FBXL2: variants seen among roughly 807,000 people sequenced by gnomAD.
FBXL2 encodes the protein F-box/LRR-repeat protein 2.
A neutral mutation model predicts 69.2 loss-of-function variants in FBXL2; 38 were observed. That is an observed-to-expected ratio of 0.55 (90% CI 0.42 to 0.72). The LOEUF (loss-of-function observed/expected upper bound fraction) is 0.72, where lower values mean the gene tolerates loss of function less well. Among genes scored for constraint, FBXL2 ranks in the 30% least tolerant of loss-of-function variants. The probability of loss-of-function intolerance (pLI) is 0.00; values close to 1 mark genes in which losing one functional copy is unlikely to be tolerated. For synonymous variants in FBXL2, 192 were observed against 201.3 expected, an observed-to-expected ratio of 0.95 and a Z score of 0.39; for missense variants, 354 against 520.3, an observed-to-expected ratio of 0.68 and a Z score of 3.11.
intron 1 of FBXL2, among the ~76,000 whole-genome samples, chr3:33,279,306 T>A (rs973958744): frequency 7.9e-5 from 12 of 151,996 alleles, no homozygotes; most frequent in Non-Finnish European, 1.0e-4. Context: ...AGTCTCGCTC[T>A]GTCGCCCAGG....
intron 2 of FBXL2, among the ~76,000 whole-genome samples, chr3:33,357,662 T>G (rs1040772730): frequency 5.9e-5 from 9 of 151,760 alleles, no homozygotes; most frequent in Non-Finnish European, 1.2e-4. Flanking sequence ...TTTGAGTAGC[T>G]GGGACTACAG....
chr3:33,359,560 C>T lies in FBXL2; in HGVS notation c.195+203C>T, dbSNP rs572019352. Among the ~76,000 whole-genome samples, 3 of 151,836 alleles carry T rather than the reference C, an allele frequency of 2.0e-5. No homozygotes were observed. In the East Asian group the frequency reaches 5.8e-4, roughly 29 times the overall value. On this transcript the variant is annotated intron_variant, in intron 4 of 14. Transcript: ENST00000484457. The stretch of plus-strand genomic sequence containing the variant: ...AATTGTATCAGTAACAGATTTTTTT[C>T]CCTTGTTTATGTTTATAGTCTGAAT...
In FBXL2 at chr3:33,317,265, G is replaced by A. The variant is rs372363653; in HGVS notation, c.65+19540G>A. On this transcript the variant is annotated intron_variant, in intron 2 of 14. Transcript: ENST00000484457. The stretch of plus-strand genomic sequence containing the variant: ...CCCTGTGTACCAGTTCCCCTTCCCC[G>A]CCTCTCGCACCGTGTTGGTGATTAT... Among the ~76,000 whole-genome samples, 7 of 151,766 alleles carry A rather than the reference G, an allele frequency of 4.6e-5. No homozygotes were observed. The East Asian group carries it at 9.7e-4, about 21-fold the overall frequency.
chr3:33,286,534 G>C (rs940134521), intron 1 of FBXL2, among the ~76,000 whole-genome samples: 1 of 152,184 alleles, frequency 6.6e-6, no homozygotes, highest in Admixed American at 6.5e-5. Context: ...CTCCAACTCC[G>C]TGCTCAGAGA....
At chr3:33,295,240 A>G (rs1057091738) in intron 1 of FBXL2, among the ~76,000 whole-genome samples, 1 of 152,218 alleles carries the variant, frequency 6.6e-6, no homozygotes, top group African/African-American at 2.4e-5. Context: ...AAGAAACCTC[A>G]TATACACTCA....
At chr3:33,335,506 C>T (rs565192055) in intron 2 of FBXL2, among the ~76,000 whole-genome samples, 155 of 152,106 alleles carry the variant, frequency 1.0e-3, no homozygotes, top group Non-Finnish European at 1.9e-3. Flanking sequence ...CACTACTGCA[C>T]TCCAGCCTGG....
the FBXL2 span, among the ~76,000 whole-genome samples, chr3:33,419,886 C>A: frequency 6.6e-6 from 1 of 152,164 alleles, no homozygotes; most frequent in Non-Finnish European, 1.5e-5. Context: ...TATAGTCCAA[C>A]AGTAATATTC....
chr3:33,403,089 T>C, intron 12 of FBXL2: 1 of 565,588 alleles, frequency 1.8e-6, no homozygotes, highest in South Asian at 1.9e-5. Flanking sequence ...TTACCTGCTG[T>C]GTGCGTCTAG....
intron 2 of FBXL2, among the ~76,000 whole-genome samples, chr3:33,339,803 A>G (rs934674915): frequency 3.3e-5 from 5 of 152,352 alleles, no homozygotes; most frequent in Admixed American, 6.5e-5. Flanking sequence ...AAATAAATGT[A>G]TGTGTCTACC....
chr3:33,349,979 T>C (rs1215554374), intron 2 of FBXL2, among the ~76,000 whole-genome samples: 1 of 152,132 alleles, frequency 6.6e-6, no homozygotes, highest in East Asian at 1.9e-4. Flanking sequence ...AAGAAAGAAA[T>C]GATACCAGTT....
chr3:33,344,666 A>G (rs202180886), intron 2 of FBXL2, among the ~76,000 whole-genome samples: 3 of 152,204 alleles, frequency 2.0e-5, no homozygotes, highest in African/African-American at 4.8e-5. Flanking sequence ...TTGAGCATCA[A>G]TTGGAAGGAA....
intron 4 of FBXL2, among the ~76,000 whole-genome samples, chr3:33,361,835 TAAAC>T (rs1201190746): frequency 6.6e-6 from 1 of 152,152 alleles, no homozygotes; most frequent in African/African-American, 2.4e-5. Flanking sequence ...CCATAGTCCT[TAAAC>T]AAGACCCTTT....
At chr3:33,278,167 T>C (rs1421871048) in intron 1 of FBXL2, 1 of 152,184 alleles carries the variant, frequency 6.6e-6, no homozygotes, top group Non-Finnish European at 1.5e-5. Flanking sequence ...ATCATTACCT[T>C]TGTTCAGTTA....
intron 13 of FBXL2, 58 bp downstream of exon 13, chr3:33,378,799 CACA>C (rs1033335707): frequency 3.1e-5 from 50 of 1,613,568 alleles, no homozygotes; most frequent in African/African-American, 1.2e-4. Context: ...GCCCTCCCAC[CACA>C]ACAAGAAGCT....
chr3:33,377,156 A>T, intron 10 of FBXL2, 117 bp from the exon 11 acceptor site: 1 of 992,998 alleles, frequency 1.0e-6, no homozygotes, highest in Non-Finnish European at 1.6e-6. Flanking sequence ...AAGGGCTGTT[A>T]ACAGAGGCAA....
chr3:33,302,800 T>C (rs2036400680), intron 2 of FBXL2, among the ~76,000 whole-genome samples: 1 of 152,204 alleles, frequency 6.6e-6, no homozygotes, highest in Non-Finnish European at 1.5e-5. Context: ...TTCTGGGCAA[T>C]ATGAAATCAA....
intron 2 of FBXL2, among the ~76,000 whole-genome samples, chr3:33,317,958 T>C (rs1258174680): frequency 2.0e-5 from 3 of 152,198 alleles, no homozygotes; most frequent in African/African-American, 4.8e-5. Context: ...TTCTTACCTG[T>C]GTAGTTTTGG....
rs1575429565 is a variant in FBXL2, at chr3:33,385,833, A to C, written c.*225A>C. The stretch of plus-strand genomic sequence containing the variant: ...GCCTTGTGTCAGTTAACACATGACA[A>C]GTGGTCTCAATGCAGCTAGGACCAT... On this transcript the variant is annotated 3_prime_UTR_variant, in exon 15 of 15. Transcript: ENST00000484457. The C allele has an allele frequency of 1.1e-5, 6 of 557,590 alleles. No individual in the cohort carries two copies. The East Asian group carries it at 1.9e-4, about 17-fold the overall frequency. The allele number at this position is 557,590 out of a possible 1,614,324, so 34.5% of individuals were successfully genotyped here. A position where few individuals can be genotyped will look rare whatever the true frequency, so the allele number is the denominator to read the frequency against.
At chr3:33,281,121 A>G (rs551234868) in intron 1 of FBXL2, among the ~76,000 whole-genome samples, 74 of 152,336 alleles carry the variant, frequency 4.9e-4, no homozygotes, top group African/African-American at 1.5e-3. Flanking sequence ...ACGTATGTAT[A>G]CATGGGCCAT....
Sources: gnomAD v4.1 joint callset for allele counts (sites outside exome capture counted in the v4.1 genomes callset) on GRCh38, gnomAD v4.1.1 for gene constraint, MANE v1.5 for transcripts, NCBI Gene and HGNC (gene_info 2026-07-23, HGNC 2026-07-21) for gene names.